Variants in LTBP4 observed in about 807,000 individuals in gnomAD.
LTBP4 encodes the protein latent-transforming growth factor beta-binding protein 4.
In LTBP4, 93 loss-of-function variants were observed where a neutral mutation model predicts 180.2. That is an observed-to-expected ratio of 0.52 (90% confidence interval 0.44 to 0.61). The LOEUF (loss-of-function observed/expected upper bound fraction) is 0.61. Ranked by LOEUF, LTBP4 falls within the 20% of genes least tolerant of loss-of-function variation. The pLI is 0.00. For missense variants in LTBP4, 2,116 were observed against 2,256.5 expected, an observed-to-expected ratio of 0.94 and a Z score of 1.26; for synonymous variants, 947 against 934.5, an observed-to-expected ratio of 1.01 and a Z score of -0.24.
At position 40,629,430 on chromosome 19, in the gene LTBP4, C is replaced by T. The variant is rs367955566; in HGVS notation, c.4554C>T (p.Ser1518=). The T allele has an allele frequency of 9.9e-6, 16 of 1,612,670 alleles. No homozygotes were observed. In the African/African-American group the frequency reaches 1.3e-4, roughly 13 times the overall value. Residue 1518 remains serine, a synonymous_variant, in exon 30 of 30, where the codon TCC becomes TCT. Transcript: ENST00000396819. This position sits in a 1 kb window ranked among gnomAD's most constrained non-coding sequence, Gnocchi z 4.5. ...INECDEAEAA[S]PLCVNARCLN... ...AGTGTGATGAGGCCGAGGCTGCCTC[C>T]CCGCTGTGCGTCAACGCGCGTTGCC... is the stretch of plus-strand genomic sequence containing the variant.
Position 40,605,721 on chromosome 19 carries a change from C to T in LTBP4, c.691-8C>T. 1 of 1,546,892 alleles carries T rather than the reference C, an allele frequency of 6.5e-7. No individual in the cohort carries two copies. Among genetic ancestry groups the T allele is most frequent in the Non-Finnish European group, 8.7e-7 (1 of 1,146,476 alleles). Reference sequence around the variant, plus strand: ...GCGGGGGCGCGCTCACCCAACACTTCCCCGCAGTGCGCGTCCCCGCTGCCC... The same window carrying T: ...GCGGGGGCGCGCTCACCCAACACTTTCCCGCAGTGCGCGTCCCCGCTGCCC... On this transcript the variant is annotated splice_region_variant and splice_polypyrimidine_tract_variant and intron_variant, in intron 3 of 29. Transcript: ENST00000396819. The surrounding 1 kb of genome is among the most constrained non-coding windows in gnomAD (Gnocchi z 5.5).
intron 27 of LTBP4, 83 bp downstream of exon 27, chr19:40,626,092 C>T (rs928832094): frequency 7.0e-7 from 1 of 1,426,060 alleles, no homozygotes; most frequent in Non-Finnish European, 9.3e-7. Context: ...AGTCGCAGAA[C>T]CCCCAGACTC....
In LTBP4 at chr19:40,619,383, G is replaced by A. The variant is rs554077671; in HGVS notation, c.3107G>A (p.Gly1036Glu). 2.2e-5 allele frequency: 35 copies of A among 1,613,886 alleles called. No individual in the cohort carries two copies. The East Asian group carries it at 7.6e-4, about 35-fold the overall frequency. ...TGTGAAACACTACAGGGTGTATGTG[G>A]AGCTGCCCTGTGTGAAAATGTCGAA... ...NECETLQGVC[G>E]AALCENVEGS... The change falls in exon 22 of 30, where the codon GGA (glycine) becomes GAA (glutamate). Residue 1036 changes from glycine to glutamate, a missense_variant. Around this residue, in one of 5 missense-constraint regions of LTBP4, gnomAD observed 278 missense variants for 373.0 expected, o/e 0.75. Coordinates refer to ENST00000396819, the MANE Select transcript of LTBP4 (RefSeq NM_001042545.2).
In LTBP4 at chr19:40,622,770, T is replaced by G; in HGVS notation, c.3484+103T>G. The stretch of plus-strand genomic sequence containing the variant: ...GACACTTTTGGACAGGGCCTTGAGG[T>G]ACTAGTACTGTCAGGGCAAGGGCGA... On this transcript the variant is annotated intron_variant, in intron 23 of 29. Coordinates refer to ENST00000396819, the MANE Select transcript of LTBP4 (RefSeq NM_001042545.2). The surrounding 1 kb of genome is among the most constrained non-coding windows in gnomAD (Gnocchi z 5.1). 6.9e-7 allele frequency: 1 copy of G among 1,456,250 alleles called. No homozygotes were observed. The highest frequency in any genetic ancestry group is 9.2e-7 in the Non-Finnish European group (1 of 1,090,066). The allele number at this position is 1,456,250 out of a possible 1,614,324, so 90.2% of individuals were successfully genotyped here.
In LTBP4 at chr19:40,613,399, C is replaced by T. The variant is rs1373596356; in HGVS notation, c.2432-5C>T. 1 of 1,605,852 alleles carries T rather than the reference C, an allele frequency of 6.2e-7. No individual in the cohort carries two copies. The highest frequency in any genetic ancestry group is 8.5e-7 in the Non-Finnish European group (1 of 1,176,922). On this transcript the variant is annotated splice_polypyrimidine_tract_variant and splice_region_variant and intron_variant, in intron 16 of 29. Coordinates refer to ENST00000396819, the MANE Select transcript of LTBP4 (RefSeq NM_001042545.2). The surrounding 1 kb of genome is among the most constrained non-coding windows in gnomAD (Gnocchi z 5.0). ...TGACTCCGCCCAATCTCCCGCGTACCCTAGACGTGAACGAGTGCCTGGAGG... is the reference window on the plus strand; with the variant it reads ...TGACTCCGCCCAATCTCCCGCGTACTCTAGACGTGAACGAGTGCCTGGAGG...
chr19:40,613,292 TG>T lies in LTBP4; in HGVS notation c.2431+99del. 1 of 1,543,876 alleles carries T rather than the reference TG, an allele frequency of 6.5e-7. No individual in the cohort carries two copies. The highest frequency in any genetic ancestry group is 8.8e-7 in the Non-Finnish European group (1 of 1,141,908). On this transcript the variant is annotated intron_variant, in intron 16 of 29. Transcript: ENST00000396819. This position sits in a 1 kb window ranked among gnomAD's most constrained non-coding sequence, Gnocchi z 5.0. ...AGGTGGAGGCGGGACCAAGGCGCTG[TG>T]GGAGGAGCTTAGAAACCTGGCATTG...
rs2081502015 is a variant in LTBP4, at chr19:40,611,083, A to G, written c.1811-69A>G. Reference sequence around the variant, plus strand: ...ACGGGGACAGAATGTTGGAGGGTGGAAAGCCAAAGTGACAGAGGTCAGGGA... The same window carrying G: ...ACGGGGACAGAATGTTGGAGGGTGGGAAGCCAAAGTGACAGAGGTCAGGGA... On this transcript the variant is annotated intron_variant, in intron 12 of 29. Coordinates refer to ENST00000396819, the MANE Select transcript of LTBP4 (RefSeq NM_001042545.2). The surrounding 1 kb of genome is among the most constrained non-coding windows in gnomAD (Gnocchi z 4.4). 2 of 1,597,012 alleles carry G rather than the reference A, an allele frequency of 1.3e-6. No homozygotes were observed. Among genetic ancestry groups the G allele is most frequent in the Non-Finnish European group, 1.7e-6 (2 of 1,167,706 alleles).
intron 14 of LTBP4, 44 bp downstream of exon 14, chr19:40,612,028 G>C (rs764694445): frequency 6.2e-6 from 10 of 1,612,394 alleles, no homozygotes; most frequent in Non-Finnish European, 7.6e-6. Context: ...GGTGAGGGGG[G>C]AGTTGGACCA....
At chr19:40,595,949 C>G (rs563006498) in intron 1 of LTBP4, among the ~76,000 whole-genome samples, 223 of 103,888 alleles carry the variant, frequency 2.1e-3, no homozygotes, top group African/African-American at 7.7e-3. Flanking sequence ...GAGACAGAGT[C>G]TTGCTCTGTC....
At chr19:40,616,460 T>C (rs1599871488) in intron 19 of LTBP4, among the ~76,000 whole-genome samples, 2 of 148,878 alleles carry the variant, frequency 1.3e-5, no homozygotes, top group East Asian at 3.9e-4. Context: ...TGGCTGGGCG[T>C]GGTGGCTCAC....
In LTBP4 at chr19:40,610,644, A is replaced by C; in HGVS notation, c.1797A>C (p.Gly599=). ...CPAGYQAAPH[G]ASCQDVDECT... ...CCGGGTACCAGGCTGCACCGCACGGAGCCAGCTGCCAGGGTGAGGGCCTGG... is the reference window on the plus strand; with the variant it reads ...CCGGGTACCAGGCTGCACCGCACGGCGCCAGCTGCCAGGGTGAGGGCCTGG... Residue 599 remains glycine, a synonymous_variant, in exon 12 of 30, where the codon GGA becomes GGC. Transcript: ENST00000396819. The C allele has an allele frequency of 6.3e-7, 1 of 1,582,434 alleles. No individual in the cohort carries two copies. Among genetic ancestry groups the C allele is most frequent in the South Asian group, 1.1e-5 (1 of 89,190 alleles).
rs1346050682 is a variant in LTBP4 at position 40,629,076 on chromosome 19, C to T, written c.4520-320C>T. Among the ~76,000 whole-genome samples, 1 of 152,046 alleles carries T rather than the reference C, an allele frequency of 6.6e-6. No homozygotes were observed. Among genetic ancestry groups the T allele is most frequent in the African/African-American group, 2.4e-5 (1 of 41,400 alleles). ...TGTTGGCCAGGTTCGTCTCGAACTC[C>T]GGCCTCAAGTGATCCACCCGCCTCA... On this transcript the variant is annotated intron_variant, in intron 29 of 29. Transcript: ENST00000396819. This position sits in a 1 kb window ranked among gnomAD's most constrained non-coding sequence, Gnocchi z 4.5.
chr19:40,607,256 C>CA, intron 6 of LTBP4, 109 bp from the exon 7 acceptor site: 25 of 775,704 alleles, frequency 3.2e-5, no homozygotes, highest in South Asian at 1.6e-4. Flanking sequence ...CCCTCGCACC[C>CA]ACCAACCCCC....
chr19:40,605,578 A>G lies in LTBP4; in HGVS notation c.616A>G (p.Ser206Gly). The G allele has an allele frequency of 6.2e-7, 1 of 1,603,650 alleles. No individual in the cohort carries two copies. Among genetic ancestry groups the G allele is most frequent in the Non-Finnish European group, 8.5e-7 (1 of 1,175,566 alleles). ...AAAPYTVLAQ[S>G]APREDGYSDA... ...AGCGCCCTACACGGTGTTGGCACAG[A>G]GCGCGCCGCGGGAGGACGGCTACTC... Residue 206 changes from serine (S) to glycine (G), a missense_variant, in exon 3 of 30, where the codon AGC (serine) becomes GGC (glycine). Coordinates refer to ENST00000396819, the MANE Select transcript of LTBP4 (RefSeq NM_001042545.2). The surrounding 1 kb of genome is among the most constrained non-coding windows in gnomAD (Gnocchi z 5.5).
intron 19 of LTBP4, among the ~76,000 whole-genome samples, chr19:40,615,064 C>T (rs1204614094): frequency 2.0e-5 from 3 of 152,156 alleles, no homozygotes; most frequent in South Asian, 2.1e-4. Flanking sequence ...CCCACAGACC[C>T]GCCCCTTGCC....
chr19:40,600,323 C>T (rs1202091982), upstream of LTBP4: 2 of 407,932 alleles, frequency 4.9e-6, no homozygotes, highest in Non-Finnish European at 4.3e-6. The surrounding 1 kb of genome is among the most constrained non-coding windows in gnomAD (Gnocchi z 4.4). Context: ...CTCTAGGGAC[C>T]CCAGCGTCCG....
At chr19:40,606,796 G>A (rs1477412321) in intron 6 of LTBP4, among the ~76,000 whole-genome samples, 3 of 152,120 alleles carry the variant, frequency 2.0e-5, no homozygotes. Context: ...CGCCCAGGCT[G>A]GAGTGCAGTG....
intron 19 of LTBP4, among the ~76,000 whole-genome samples, chr19:40,616,309 A>T (rs1439692650): frequency 1.3e-5 from 2 of 149,466 alleles, no homozygotes; most frequent in Non-Finnish European, 3.0e-5. Flanking sequence ...AAGAAAAAAA[A>T]GCTGGATGGG....
At position 40,627,381 on chromosome 19, in the gene LTBP4, A is replaced by G. The variant is rs757387788; in HGVS notation, c.4366+26A>G. On this transcript the variant is annotated intron_variant, in intron 28 of 29. Coordinates refer to ENST00000396819, the MANE Select transcript of LTBP4 (RefSeq NM_001042545.2). ...GTGAGCACTGCCAGCGCATGATGAG[A>G]CTGAGATGAGGGGTGAGGTGTGCAC... is the stretch of plus-strand genomic sequence containing the variant. 8 of 1,474,996 alleles carry G rather than the reference A, an allele frequency of 5.4e-6. No individual in the cohort carries two copies. The African/African-American group carries it at 9.8e-5, about 18-fold the overall frequency. The allele number at this position is 1,474,996 out of a possible 1,614,324, so 91.4% of individuals were successfully genotyped here.
Sources: allele counts gnomAD v4.1 joint callset (sites outside exome capture counted in the v4.1 genomes callset), GRCh38; gene constraint gnomAD v4.1.1; regional missense constraint gnomAD v4.1.1; non-coding constraint Gnocchi (gnomAD v3.1); transcripts MANE v1.5; gene names NCBI Gene and HGNC (gene_info 2026-07-23, HGNC 2026-07-21).